Variants in AIG1 observed in about 807,000 individuals in gnomAD.
AIG1 encodes androgen-induced gene 1 protein.
AIG1 carries 23 observed loss-of-function variants against 31.4 expected under a neutral mutation model. The observed-to-expected ratio is 0.73, with a 90% confidence interval of 0.53 to 1.04. AIG1 has a LOEUF of 1.04. Among genes scored for constraint, AIG1 ranks in the 50% least tolerant of loss-of-function variants. AIG1 has a pLI of 0.00. For missense variants in AIG1, 274 were observed against 295.0 expected (o/e 0.93, Z 0.52); for synonymous variants, 100 against 110.5 (o/e 0.90, Z 0.60).
intron 1 of AIG1, among the ~76,000 whole-genome samples, chr6:143,069,531 G>A (rs1287585360): frequency 6.6e-6 from 1 of 152,154 alleles, no homozygotes; most frequent in Non-Finnish European, 1.5e-5. Context: ...TCTAATAGGT[G>A]TGTAGCACTA....
chr6:143,113,968 G>T (rs540505458), intron 1 of AIG1, among the ~76,000 whole-genome samples: 162 of 152,060 alleles, frequency 1.1e-3, no homozygotes, highest in African/African-American at 3.6e-3. Context: ...TAGAGATGGG[G>T]TTTCACCGTG....
chr6:143,198,827 A>G (rs975298141), intron 3 of AIG1, among the ~76,000 whole-genome samples: 1 of 152,332 alleles, frequency 6.6e-6, no homozygotes. Flanking sequence ...TTGCACGGAC[A>G]TCTAACTGCA....
intron 2 of AIG1, among the ~76,000 whole-genome samples, chr6:143,137,808 A>C (rs1401917023): frequency 3.9e-5 from 6 of 152,160 alleles, no homozygotes; most frequent in Non-Finnish European, 1.5e-5. Context: ...CATATATATC[A>C]CAAACTGTAA....
At chr6:143,226,985 C>CTTTTTTTTTTTTTTTTTTTTTTTTT (rs11431811) in intron 3 of AIG1, among the ~76,000 whole-genome samples, 2 of 113,622 alleles carry the variant, frequency 1.8e-5, no homozygotes, top group Non-Finnish European at 3.7e-5. Flanking sequence ...GAGTTTTTGT[C>CTTTTTTTTTTTTTTTTTTTTTTTTT]TTTTTTTTTT....
intron 3 of AIG1, among the ~76,000 whole-genome samples, chr6:143,201,392 T>C (rs1040376899): frequency 2.0e-5 from 3 of 151,936 alleles, no homozygotes; most frequent in Admixed American, 1.3e-4. Flanking sequence ...AAAAGGTAAA[T>C]CTTTCTGATG....
At chr6:143,272,577 G>A (rs1055479709) in intron 3 of AIG1, among the ~76,000 whole-genome samples, 1 of 152,218 alleles carries the variant, frequency 6.6e-6, no homozygotes, top group Non-Finnish European at 1.5e-5. Flanking sequence ...AACTGAGGAA[G>A]CATAGAAATG....
chr6:143,069,605 T>G (rs1777065673), intron 1 of AIG1, among the ~76,000 whole-genome samples: 1 of 152,224 alleles, frequency 6.6e-6, no homozygotes, highest in Non-Finnish European at 1.5e-5. Flanking sequence ...CTGTGCCTTT[T>G]AATAATATAT....
intron 3 of AIG1, among the ~76,000 whole-genome samples, chr6:143,198,085 A>G (rs1790400847): frequency 1.3e-5 from 2 of 152,188 alleles, no homozygotes. Flanking sequence ...CCTGTGACCT[A>G]TGTGCAAAGA....
chr6:143,080,585 A>G (rs935086743), intron 1 of AIG1, among the ~76,000 whole-genome samples: 1 of 152,016 alleles, frequency 6.6e-6, no homozygotes, highest in Non-Finnish European at 1.5e-5. Context: ...AGCAGCATAC[A>G]GGGGGTGCAG....
rs1319509848 is a variant in AIG1, at chr6:143,293,492, C to T, written c.515+9267C>T. Among the ~76,000 whole-genome samples the T allele has an allele frequency of 2.6e-5, 4 of 152,294 alleles. No individual in the cohort carries two copies. Among genetic ancestry groups the T allele is most frequent in the African/African-American group, 9.6e-5 (4 of 41,572 alleles). On this transcript the variant is annotated intron_variant, in intron 4 of 5. Transcript: ENST00000357847. This position sits in a 1 kb window ranked among gnomAD's most constrained non-coding sequence, Gnocchi z 4.8. ...TCTTCTAAGGAAAAGTCTATCTGGG[C>T]AGTTGAAAGCCTGACAACAGAGAGT... is the stretch of plus-strand genomic sequence containing the variant.
chr6:143,151,206 A>C (rs1373797092), intron 2 of AIG1, among the ~76,000 whole-genome samples: 1 of 152,206 alleles, frequency 6.6e-6, no homozygotes, highest in Non-Finnish European at 1.5e-5. Context: ...TTACCCTTAT[A>C]ATAAGAAAGC....
chr6:143,339,786 A>G lies in AIG1; in HGVS notation c.*110A>G. 9.3e-7 allele frequency: 1 copy of G among 1,080,064 alleles called. No individual in the cohort carries two copies. Among genetic ancestry groups the G allele is most frequent in the African/African-American group, 1.6e-5 (1 of 62,838 alleles). 66.9% of individuals were successfully genotyped at this position (1,080,064 alleles called of 1,614,324 possible). A position where few individuals can be genotyped will look rare whatever the true frequency, so the allele number is the denominator to read the frequency against. On this transcript the variant is annotated 3_prime_UTR_variant, in exon 6 of 6. Transcript: ENST00000357847. ...TTCAAAGGAACTTGGTGGCATCAGC[A>G]CCCCCCTCCCCCAATGAGGACACCT...
At chr6:143,095,173 A>G (rs1032841694) in intron 1 of AIG1, among the ~76,000 whole-genome samples, 2 of 152,224 alleles carry the variant, frequency 1.3e-5, no homozygotes, top group African/African-American at 4.8e-5. Flanking sequence ...TTAGAAGAAA[A>G]GGAAAAAGAA....
At position 143,341,049 on chromosome 6, in the gene AIG1, ATCTC is replaced by A. The variant is rs1332341966; in HGVS notation, c.*1377_*1380del. ...ATTTAAATGTAATTAAATGCTAAAA[ATCTC>A]TCTTCCTTCCGTCTCTCTGTCTCTC... On this transcript the variant is annotated 3_prime_UTR_variant, in exon 6 of 6. Coordinates refer to ENST00000357847, the MANE Select transcript of AIG1 (RefSeq NM_016108.4). Among the ~76,000 whole-genome samples the A allele has an allele frequency of 6.6e-6, 1 of 152,156 alleles. No individual in the cohort carries two copies. Among genetic ancestry groups the A allele is most frequent in the Non-Finnish European group, 1.5e-5 (1 of 68,028 alleles).
rs1791023072 is a variant in AIG1 at position 143,205,247 on chromosome 6, T to C, written c.399+40064T>C. Among the ~76,000 whole-genome samples the C allele has an allele frequency of 3.9e-5, 6 of 152,284 alleles. 1 individual carries two copies. The highest frequency in any genetic ancestry group is 3.9e-4 in the Admixed American group (6 of 15,286). The stretch of plus-strand genomic sequence containing the variant: ...GAACTAAGGCTGGAGTAGCAAAACA[T>C]GAAATCTGCTTTCTACAAATTATCC... On this transcript the variant is annotated intron_variant, in intron 3 of 5. Coordinates refer to ENST00000357847, the MANE Select transcript of AIG1 (RefSeq NM_016108.4).
intron 3 of AIG1, among the ~76,000 whole-genome samples, chr6:143,278,641 G>A (rs920244437): frequency 6.6e-6 from 1 of 151,378 alleles, no homozygotes; most frequent in Admixed American, 6.6e-5. Context: ...GCTAATTTTT[G>A]TTTTTTCAGT....
intron 1 of AIG1, among the ~76,000 whole-genome samples, chr6:143,135,227 A>C (rs1783625237): frequency 1.3e-5 from 2 of 152,222 alleles, no homozygotes; most frequent in African/African-American, 4.8e-5. Context: ...TACTAGCCAG[A>C]TTAGCTAGTA....
rs1184230636 is a variant in AIG1, at chr6:143,334,469, G to T, written c.679+1024G>T. ...ATCCTCTAAGATTGTATGTGTCAGG[G>T]TATTAGCCAATGTTAAATGGCGCAG... is the stretch of plus-strand genomic sequence containing the variant. On this transcript the variant is annotated intron_variant, in intron 5 of 5. Transcript: ENST00000357847. This position sits in a 1 kb window ranked among gnomAD's most constrained non-coding sequence, Gnocchi z 5.1. Among the ~76,000 whole-genome samples, 1 of 152,156 alleles carries T rather than the reference G, an allele frequency of 6.6e-6. No individual in the cohort carries two copies. The highest frequency in any genetic ancestry group is 1.5e-5 in the Non-Finnish European group (1 of 68,044).
In AIG1 at chr6:143,078,458, ATATTG is replaced by A. The variant is rs577344359; in HGVS notation, c.141+17397_141+17401del. 9.7e-4 allele frequency among the ~76,000 whole-genome samples: 148 copies of A among 152,274 alleles called. 1 individual carries two copies. Among genetic ancestry groups the A allele is most frequent in the African/African-American group, 3.4e-3 (142 of 41,534 alleles). ...TTGGATTATACCATGAACATTTTGA[ATATTG>A]TATTAGTCTGTTTTCACACTGCTGA... On this transcript the variant is annotated intron_variant, in intron 1 of 5. Coordinates refer to ENST00000357847, the MANE Select transcript of AIG1 (RefSeq NM_016108.4).
Sources: gnomAD v4.1 joint callset for allele counts (sites outside exome capture counted in the v4.1 genomes callset) on GRCh38, gnomAD v4.1.1 for gene constraint, Gnocchi (gnomAD v3.1) non-coding constraint, MANE v1.5 for transcripts, NCBI Gene and HGNC (gene_info 2026-07-23, HGNC 2026-07-21) for gene names.